Variants in TRMT9B observed in about 807,000 individuals in gnomAD.
TRMT9B encodes the protein probable tRNA methyltransferase 9B.
A neutral mutation model predicts 11.5 loss-of-function variants in TRMT9B; 16 were observed. That is an observed-to-expected ratio of 1.39 (90% CI 0.94 to 2.11). The LOEUF (loss-of-function observed/expected upper bound fraction) is 2.11, where lower values mean the gene tolerates loss of function less well. TRMT9B is among the 30% of genes most tolerant of loss of function. The pLI is 0.00. For synonymous variants in TRMT9B, 274 were observed against 192.4 expected, an observed-to-expected ratio of 1.42 and a Z score of -3.51; for missense variants, 941 against 553.8, an observed-to-expected ratio of 1.70 and a Z score of -7.02.
chr8:13,020,875 G>T (rs566611166), intron 4 of TRMT9B, 133 bp from the exon 5 acceptor site: 67 of 572,720 alleles, frequency 1.2e-4, no homozygotes, highest in Middle Eastern at 9.2e-4. Context: ...TGTCATCATC[G>T]TTGCCATGGA....
chr8:13,012,126 T>C, intron 3 of TRMT9B: 1 of 985,666 alleles, frequency 1.0e-6, no homozygotes, highest in Non-Finnish European at 1.2e-6. Flanking sequence ...CTGAGCCCTG[T>C]GGACATCACC....
intron 2 of TRMT9B, among the ~76,000 whole-genome samples, chr8:12,998,799 T>C (rs1808829907): frequency 6.6e-6 from 1 of 152,232 alleles, no homozygotes; most frequent in Non-Finnish European, 1.5e-5. Context: ...CTCAGAATAT[T>C]TTTACTATTT....
intron 2 of TRMT9B, among the ~76,000 whole-genome samples, chr8:12,999,847 C>T (rs1319111994): frequency 6.6e-6 from 1 of 151,968 alleles, no homozygotes; most frequent in East Asian, 1.9e-4. Context: ...ATATTAAGTT[C>T]AAAAAAGTAG....
At position 13,024,722 on chromosome 8, in the gene TRMT9B, A is replaced by G. The variant is rs1301417744; in HGVS notation, c.*2678A>G. ...TCTTTGGAGAGAAATATTTTCATGT[A>G]CGTTTGACAGGGGTGTAAATAAAGC... On this transcript the variant is annotated 3_prime_UTR_variant, in exon 5 of 5. Transcript: ENST00000524591. 1.2e-5 allele frequency: 2 copies of G among 167,076 alleles called. No individual in the cohort carries two copies. 10.3% of individuals were successfully genotyped at this position (167,076 alleles called of 1,614,324 possible). A position where few individuals can be genotyped will look rare whatever the true frequency, so the allele number is the denominator to read the frequency against.
Position 13,021,736 on chromosome 8 carries a change from A to G in TRMT9B, c.1057A>G (p.Thr353Ala). 6.2e-7 allele frequency: 1 copy of G among 1,613,980 alleles called. No homozygotes were observed. Among genetic ancestry groups the G allele is most frequent in the Non-Finnish European group, 8.5e-7 (1 of 1,179,876 alleles). ...TGGAGGGGGAAATTTTCTGGATAGC[A>G]CTAATACTGGTGTGAATTGTGTGGA... ...RNGGGNFLDS[T>A]NTGVNCVDAG... Residue 353 changes from threonine (T) to alanine (A), a missense_variant, in exon 5 of 5, where the codon ACT becomes GCT. By Grantham distance (58) the Thr-to-Ala change is moderately conservative (BLOSUM62 0). Transcript: ENST00000524591.
intron 1 of TRMT9B, among the ~76,000 whole-genome samples, chr8:12,970,619 G>T (rs185099467): frequency 2.0e-5 from 3 of 152,212 alleles, no homozygotes; most frequent in African/African-American, 7.2e-5. Context: ...TGTGTGAGAT[G>T]GTTAATGCAG....
chr8:13,000,101 A>G (rs896967425), intron 2 of TRMT9B, among the ~76,000 whole-genome samples: 1 of 152,168 alleles, frequency 6.6e-6, no homozygotes, highest in Non-Finnish European at 1.5e-5. Flanking sequence ...CTCCATCAAG[A>G]GTTCTGAGGG....
chr8:12,948,033 A>G (rs1157770428), intron 1 of TRMT9B, among the ~76,000 whole-genome samples: 1 of 152,210 alleles, frequency 6.6e-6, no homozygotes, highest in Non-Finnish European at 1.5e-5. Context: ...GGTCATAATA[A>G]TATTATATAG....
chr8:12,986,762 C>G lies in TRMT9B; in HGVS notation c.-199-4072C>G, dbSNP rs146406190. ...GCGTCATCTTCAGCATGTTCCCTGC[C>G]TTAACTCTGCATGAGTCACCAGGTC... On this transcript the variant is annotated intron_variant, in intron 1 of 4. Coordinates refer to ENST00000524591, the MANE Select transcript of TRMT9B (RefSeq NM_020844.3). Among the ~76,000 whole-genome samples, 481 of 152,310 alleles carry G rather than the reference C, an allele frequency of 3.2e-3. 4 individuals carry two copies. The highest frequency in any genetic ancestry group is 0.01 in the African/African-American group (418 of 41,584).
rs117188563 is a variant in TRMT9B, at chr8:13,028,300, A to T, written c.*6256A>T. 6.0e-6 allele frequency: 1 copy of T among 167,080 alleles called. No homozygotes were observed. The highest frequency in any genetic ancestry group is 2.4e-5 in the African/African-American group (1 of 41,464). The allele number at this position is 167,080 out of a possible 1,614,324, so 10.3% of individuals were successfully genotyped here. ...ACCATTTGTAAGAGCTGTTTGTCAA[A>T]TTGGATCTTCATTTGACAAATAAAT... On this transcript the variant is annotated 3_prime_UTR_variant, in exon 5 of 5. Coordinates refer to ENST00000524591, the MANE Select transcript of TRMT9B (RefSeq NM_020844.3).
chr8:12,988,830 G>C (rs1170958222), intron 1 of TRMT9B, among the ~76,000 whole-genome samples: 2 of 152,102 alleles, frequency 1.3e-5, no homozygotes, highest in Non-Finnish European at 2.9e-5. Context: ...AAATAATCTT[G>C]ATTCTTGGTA....
intron 1 of TRMT9B, among the ~76,000 whole-genome samples, chr8:12,979,628 C>G (rs1585181308): frequency 6.6e-6 from 1 of 152,160 alleles, no homozygotes; most frequent in African/African-American, 2.4e-5. Flanking sequence ...ACTTGGGTAC[C>G]TAATTCCTGC....
chr8:12,976,700 A>AGG (rs909807040), intron 1 of TRMT9B, among the ~76,000 whole-genome samples: 8 of 152,264 alleles, frequency 5.3e-5, no homozygotes, highest in African/African-American at 1.9e-4. Context: ...ACAAAGTGTC[A>AGG]GCAAGGTTAA....
At chr8:12,950,310 G>C (rs183533353) in intron 1 of TRMT9B, among the ~76,000 whole-genome samples, 4 of 152,180 alleles carry the variant, frequency 2.6e-5, no homozygotes, top group South Asian at 2.1e-4. Flanking sequence ...CACTGGACGA[G>C]TATTTATCAG....
chr8:13,015,058 GAAATAAAT>G (rs143449358), intron 4 of TRMT9B, among the ~76,000 whole-genome samples: 1,971 of 145,526 alleles, frequency 0.014, 21 homozygotes, highest in African/African-American at 0.028. Context: ...GACTCCATCT[GAAATAAAT>G]AAATAAATAA....
chr8:12,952,304 G>A, intron 1 of TRMT9B: 1 of 368,192 alleles, frequency 2.7e-6, no homozygotes, highest in South Asian at 1.8e-5. Context: ...AGGAGGGGGC[G>A]CGACAGGTCG....
At chr8:12,958,755 T>A (rs1801643619) in intron 1 of TRMT9B, 1 of 152,186 alleles carries the variant, frequency 6.6e-6, no homozygotes, top group African/African-American at 2.4e-5. Context: ...CATGGAATAC[T>A]ATGCAGCCAT....
chr8:12,952,351 C>T (rs866195497), intron 1 of TRMT9B: 1 of 325,654 alleles, frequency 3.1e-6, no homozygotes, highest in Non-Finnish European at 6.3e-6. Flanking sequence ...CCGGGTCTGG[C>T]CGCCTGGGTG....
chr8:12,959,278 G>C (rs1177147878), intron 1 of TRMT9B, among the ~76,000 whole-genome samples: 1 of 152,028 alleles, frequency 6.6e-6, no homozygotes, highest in Non-Finnish European at 1.5e-5. Flanking sequence ...ATGCCAAGTG[G>C]AAAAATCCCA....
Sources: gnomAD v4.1 joint callset for allele counts (sites outside exome capture counted in the v4.1 genomes callset) on GRCh38, gnomAD v4.1.1 for gene constraint, MANE v1.5 for transcripts, NCBI Gene and HGNC (gene_info 2026-07-23, HGNC 2026-07-21) for gene names.